SPCS2: variants seen among roughly 807,000 people sequenced by gnomAD.
SPCS2 encodes SPase 25 kDa subunit.
A neutral mutation model predicts 22.3 loss-of-function variants in SPCS2; 3 were observed. The observed-to-expected ratio is 0.13, with a 90% confidence interval of 0.06 to 0.35. The LOEUF is 0.35. Ranked by LOEUF, SPCS2 falls within the 10% of genes least tolerant of loss-of-function variation. The pLI, the probability that SPCS2 is intolerant of heterozygous loss-of-function variation, is 1.00. For missense variants in SPCS2, 169 were observed against 280.9 expected (o/e 0.60, Z 2.85); for synonymous variants, 67 against 97.2 (o/e 0.69, Z 1.83).
chr11:74,950,072 T>A (rs1325727872), intron 1 of SPCS2, among the ~76,000 whole-genome samples: 1 of 152,122 alleles, frequency 6.6e-6, no homozygotes, highest in African/African-American at 2.4e-5. Context: ...AAATTTTTTT[T>A]AACTGCAGTC....
Position 74,969,652 on chromosome 11 carries a change from A to G in SPCS2, c.447A>G (p.Thr149=), listed in dbSNP as rs1434487809. The change falls in exon 4 of 5, where the codon ACA becomes ACG. Residue 149 remains threonine, a synonymous_variant. Coordinates refer to ENST00000263672, the MANE Select transcript of SPCS2 (RefSeq NM_014752.3). ...IFLVAHRKDP[T]GMDPDDIWQL... ...TCGTGGCCCACAGGAAAGATCCTAC[A>G]GGAATGGATCCTGATGATATTTGGC... 6.2e-7 allele frequency: 1 copy of G among 1,613,722 alleles called. No homozygotes were observed.
chr11:74,949,700 G>A, intron 1 of SPCS2: 1 of 471,774 alleles, frequency 2.1e-6, no homozygotes, highest in South Asian at 1.5e-5. Context: ...TTCTCCTGGG[G>A]GGCTGGGTGC....
chr11:74,962,397 T>C (rs1278116704), intron 1 of SPCS2, among the ~76,000 whole-genome samples: 1 of 152,208 alleles, frequency 6.6e-6, no homozygotes, highest in Non-Finnish European at 1.5e-5. Context: ...ATGGCAGTCT[T>C]GGACCCAGGT....
rs948352782 is a variant in SPCS2, at chr11:74,962,227, G to A, written c.115-2807G>A. 9.1e-4 allele frequency among the ~76,000 whole-genome samples: 139 copies of A among 152,198 alleles called. 1 individual carries two copies. The highest frequency in any genetic ancestry group is 3.1e-3 in the African/African-American group (130 of 41,444). ...TTTTTCTAGATTTCCAGAAGGAAAG[G>A]TGTTCAACATAAATCACATCATTTA... On this transcript the variant is annotated intron_variant, in intron 1 of 4. Coordinates refer to ENST00000263672, the MANE Select transcript of SPCS2 (RefSeq NM_014752.3).
rs1014726918 is a variant in SPCS2 at position 74,978,522 on chromosome 11, G to A, written c.*1479G>A. On this transcript the variant is annotated 3_prime_UTR_variant, in exon 5 of 5. Coordinates refer to ENST00000263672, the MANE Select transcript of SPCS2 (RefSeq NM_014752.3). ...GGTATTTGTGGGAGATTGGTTCCAG[G>A]ATCCCCAAGCATACCAAAATCCAAG... The A allele has an allele frequency of 1.3e-5, 2 of 152,216 alleles. No individual in the cohort carries two copies. The allele number at this position is 152,216 out of a possible 1,614,324, so 9.4% of individuals were successfully genotyped here. A position where few individuals can be genotyped will look rare whatever the true frequency, so the allele number is the denominator to read the frequency against.
intron 1 of SPCS2, among the ~76,000 whole-genome samples, chr11:74,950,115 A>AT (rs1555114488): frequency 6.6e-6 from 1 of 152,222 alleles, no homozygotes; most frequent in Non-Finnish European, 1.5e-5. Flanking sequence ...AAAGAAAAAA[A>AT]GGAAAACTGT....
intron 1 of SPCS2, among the ~76,000 whole-genome samples, chr11:74,950,420 C>A (rs1392255463): frequency 6.6e-6 from 1 of 152,174 alleles, no homozygotes; most frequent in African/African-American, 2.4e-5. Flanking sequence ...TAATTGAAAA[C>A]AGCTTTCAGA....
At chr11:74,968,936 T>A (rs1365542408) in intron 3 of SPCS2, among the ~76,000 whole-genome samples, 1 of 152,196 alleles carries the variant, frequency 6.6e-6, no homozygotes, top group African/African-American at 2.4e-5. Flanking sequence ...CCCAGAGTGC[T>A]GGTATTAAAG....
chr11:74,966,066 A>T lies in SPCS2; in HGVS notation c.359+143A>T. The T allele has an allele frequency of 8.4e-6, 6 of 713,270 alleles. No individual in the cohort carries two copies. The South Asian group carries it at 1.1e-4, about 14-fold the overall frequency. The allele number at this position is 713,270 out of a possible 1,614,324, so 44.2% of individuals were successfully genotyped here. On this transcript the variant is annotated intron_variant, in intron 3 of 4. Transcript: ENST00000263672. ...CAACATTTTGAGCTGTGATGTTTAT[A>T]TAGTAAATATCTATCAGTTTATATA...
chr11:74,951,810 C>CAAAAAAAAAA lies in SPCS2; in HGVS notation c.114+2421_114+2430dup, dbSNP rs61038317. On this transcript the variant is annotated intron_variant, in intron 1 of 4. Coordinates refer to ENST00000263672, the MANE Select transcript of SPCS2 (RefSeq NM_014752.3). ...GGGCAACAAGAGGGAAACTCTGTCTCAAAAAAAAAAAAAAAAAAAGAGTAA... is the reference window on the plus strand; with the variant it reads ...GGGCAACAAGAGGGAAACTCTGTCTCAAAAAAAAAAAAAAAAAAAAAAAAAAAAAGAGTAA... Among the ~76,000 whole-genome samples, 83 of 81,326 alleles carry CAAAAAAAAAA rather than the reference C, an allele frequency of 1.0e-3. 4 individuals are homozygous for CAAAAAAAAAA. The highest frequency in any genetic ancestry group is 2.7e-3 in the African/African-American group (61 of 22,182). 53.4% of individuals were successfully genotyped at this position (81,326 alleles called of 152,430 possible). A position where few individuals can be genotyped will look rare whatever the true frequency, so the allele number is the denominator to read the frequency against.
intron 1 of SPCS2, chr11:74,963,473 G>A (rs1565486067): frequency 3.1e-6 from 1 of 322,136 alleles, no homozygotes; most frequent in Non-Finnish European, 6.0e-6. Flanking sequence ...AAACAAGGTT[G>A]ATGAATTGTA....
chr11:74,965,275 G>A (rs1211861089), intron 2 of SPCS2, 158 bp downstream of exon 2: 2 of 551,186 alleles, frequency 3.6e-6, no homozygotes, highest in East Asian at 3.1e-5. Context: ...AAAGTCAGAG[G>A]AAGTGTGTTG....
At chr11:74,969,136 T>C (rs773777682) in intron 3 of SPCS2, among the ~76,000 whole-genome samples, 6 of 152,238 alleles carry the variant, frequency 3.9e-5, no homozygotes, top group African/African-American at 1.4e-4. Context: ...TACTCTCTTA[T>C]AGTAAACTAT....
intron 3 of SPCS2, among the ~76,000 whole-genome samples, chr11:74,968,908 A>G (rs1435485316): frequency 6.6e-6 from 1 of 152,068 alleles, no homozygotes; most frequent in Non-Finnish European, 1.5e-5. Context: ...GTCTCAAGCA[A>G]TCCACCTGCC....
chr11:74,969,781 T>C lies in SPCS2; in HGVS notation c.494+82T>C, dbSNP rs1464905661. On this transcript the variant is annotated intron_variant, in intron 4 of 4. Transcript: ENST00000263672. ...GTCATTATCAACAGAAGACTTATTATGTGCCTACTCTATGTGGATCATAGG... is the reference window on the plus strand; with the variant it reads ...GTCATTATCAACAGAAGACTTATTACGTGCCTACTCTATGTGGATCATAGG... The C allele has an allele frequency of 3.4e-6, 5 of 1,487,234 alleles. No homozygotes were observed. The East Asian group carries it at 1.1e-4, about 34-fold the overall frequency. 92.1% of individuals were successfully genotyped at this position (1,487,234 alleles called of 1,614,324 possible).
intron 1 of SPCS2, among the ~76,000 whole-genome samples, chr11:74,964,076 AT>A (rs758468932): frequency 2.0e-5 from 3 of 152,232 alleles, no homozygotes; most frequent in Non-Finnish European, 4.4e-5. Flanking sequence ...CCCTGATAAG[AT>A]ATCTGGATGT....
intron 1 of SPCS2, among the ~76,000 whole-genome samples, chr11:74,963,076 TAATTC>T (rs1320799640): frequency 6.6e-6 from 1 of 152,264 alleles, no homozygotes; most frequent in Non-Finnish European, 1.5e-5. Context: ...ATTTCACAAA[TAATTC>T]AAATGCTATG....
chr11:74,961,552 G>GT (rs1948514571), intron 1 of SPCS2, among the ~76,000 whole-genome samples: 1 of 148,686 alleles, frequency 6.7e-6, no homozygotes, highest in African/African-American at 2.5e-5. Context: ...TTGTTTGTTT[G>GT]TTTTTTGAGA....
chr11:74,965,017 TTTTG>T lies in SPCS2; in HGVS notation c.115-9_115-6del, dbSNP rs757393876. The T allele has an allele frequency of 2.6e-6, 4 of 1,537,274 alleles. No homozygotes were observed. The highest frequency in any genetic ancestry group is 4.9e-5 in the East Asian group (2 of 40,824). ...GGCCAGGTTTCTTGATGCACAACTTTTTTGTTTGTTTTACAGTGGAAGATAGATG... is the reference window on the plus strand; with the variant it reads ...GGCCAGGTTTCTTGATGCACAACTTTTTTGTTTTACAGTGGAAGATAGATG... On this transcript the variant is annotated splice_polypyrimidine_tract_variant and intron_variant, in intron 1 of 4. Coordinates refer to ENST00000263672, the MANE Select transcript of SPCS2 (RefSeq NM_014752.3).
Sources: gnomAD v4.1 joint callset for allele counts (sites outside exome capture counted in the v4.1 genomes callset) on GRCh38, gnomAD v4.1.1 for gene constraint, MANE v1.5 for transcripts, NCBI Gene and HGNC (gene_info 2026-07-23, HGNC 2026-07-21) for gene names.